Variants in CCNY observed in about 807,000 individuals in gnomAD.
CCNY encodes the protein cyclin-Y.
Under a neutral mutation model 42.8 loss-of-function variants are expected in CCNY, and 19 were observed. The ratio of observed to expected loss-of-function variants is 0.44; its 90% confidence interval spans 0.31 to 0.65. The LOEUF (loss-of-function observed/expected upper bound fraction) is 0.65, where lower values mean the gene tolerates loss of function less well. Ranked by LOEUF, CCNY falls within the 30% of genes least tolerant of loss-of-function variation. The probability of loss-of-function intolerance (pLI) is 0.07; values close to 1 mark genes in which losing one functional copy is unlikely to be tolerated. For synonymous variants in CCNY, 165 were observed against 162.7 expected, an observed-to-expected ratio of 1.01 and a Z score of -0.11; for missense variants, 370 against 437.3, an observed-to-expected ratio of 0.85 and a Z score of 1.37.
chr10:35,539,210 C>T (rs1442789611), intron 7 of CCNY, among the ~76,000 whole-genome samples: 2 of 152,156 alleles, frequency 1.3e-5, no homozygotes, highest in Non-Finnish European at 2.9e-5. Context: ...TTTTCTCTGT[C>T]AGTGTTGTTT....
At position 35,253,364 on chromosome 10, in the gene CCNY, C is replaced by T. The variant is rs532807819; in HGVS notation, c.-9+2738C>T. ...TCCTGGGCTCAAGCGAGCCTCCTAC[C>T]CTAGCCTCCTGTGTAGCTGTGACTA... is the stretch of plus-strand genomic sequence containing the variant. On this transcript the variant is annotated intron_variant, in intron 3 of 11. Coordinates refer to the CCNY transcript ENST00000374706. Among the ~76,000 whole-genome samples, 105 of 151,928 alleles carry T rather than the reference C, an allele frequency of 6.9e-4. 1 individual carries two copies. Among genetic ancestry groups the T allele is most frequent in the Admixed American group, 5.7e-3 (87 of 15,210 alleles).
At chr10:35,290,264 A>ACACACAC (rs61407161) in intron 3 of CCNY, among the ~76,000 whole-genome samples, 32 of 149,160 alleles carry the variant, frequency 2.1e-4, no homozygotes, top group South Asian at 6.4e-4. Context: ...ACACACACAC[A>ACACACAC]AAATTAGCTG....
At chr10:35,506,968 A>G (rs886103797) in intron 3 of CCNY, among the ~76,000 whole-genome samples, 10 of 152,170 alleles carry the variant, frequency 6.6e-5, no homozygotes, top group Admixed American at 6.5e-4. Flanking sequence ...TCTTGGTTCC[A>G]TTGCTGCCAT....
At chr10:35,274,519 C>T (rs1387476063) in intron 3 of CCNY, among the ~76,000 whole-genome samples, 1 of 152,196 alleles carries the variant, frequency 6.6e-6, no homozygotes, top group South Asian at 2.1e-4. Flanking sequence ...GAGCTCACTG[C>T]TCACCCTGCA....
At chr10:35,432,089 T>C (rs528704480) in intron 1 of CCNY, among the ~76,000 whole-genome samples, 1 of 152,318 alleles carries the variant, frequency 6.6e-6, no homozygotes, top group East Asian at 1.9e-4. Context: ...GTAACTTAAA[T>C]AGTTGATTCA....
intron 3 of CCNY, among the ~76,000 whole-genome samples, chr10:35,311,308 A>G (rs577907768): frequency 1.1e-4 from 17 of 152,032 alleles, no homozygotes; most frequent in Non-Finnish European, 2.5e-4. Flanking sequence ...ACAGAGCAAG[A>G]CCCTGTCTCA....
At chr10:35,275,225 G>A (rs1480057135) in intron 3 of CCNY, among the ~76,000 whole-genome samples, 1 of 151,360 alleles carries the variant, frequency 6.6e-6, no homozygotes, top group African/African-American at 2.4e-5. Context: ...CATCATGCTC[G>A]GCTAATTTTT....
At chr10:35,376,897 G>T (rs1343982109) in intron 1 of CCNY, among the ~76,000 whole-genome samples, 1 of 152,202 alleles carries the variant, frequency 6.6e-6, no homozygotes, top group Admixed American at 6.5e-5. Flanking sequence ...GATGGGGGGA[G>T]AAGAGGATGG....
chr10:35,338,473 C>G (rs1357996981), intron 1 of CCNY, among the ~76,000 whole-genome samples: 2 of 152,126 alleles, frequency 1.3e-5, no homozygotes, highest in South Asian at 4.1e-4. Flanking sequence ...TTTAAACATA[C>G]GCTTAGATGT....
intron 1 of CCNY, among the ~76,000 whole-genome samples, chr10:35,479,603 T>A: frequency 1.1e-5 from 1 of 88,070 alleles, no homozygotes; most frequent in Non-Finnish European, 2.2e-5. Flanking sequence ...CTGGGGACTG[T>A]TGTGGGGTGG....
chr10:35,549,098 A>ACCC (rs1262659685), intron 7 of CCNY, among the ~76,000 whole-genome samples: 5 of 42,946 alleles, frequency 1.2e-4, no homozygotes, highest in African/African-American at 3.7e-4. Context: ...CTCACCACCC[A>ACCC]CCCCACCCCC....
At chr10:35,515,625 T>A (rs1455887826) in intron 3 of CCNY, among the ~76,000 whole-genome samples, 2 of 152,206 alleles carry the variant, frequency 1.3e-5, no homozygotes, top group Non-Finnish European at 2.9e-5. Flanking sequence ...AAATGACACT[T>A]AGACATTCAA....
intron 1 of CCNY, among the ~76,000 whole-genome samples, chr10:35,409,924 G>A (rs1223252655): frequency 6.6e-6 from 1 of 152,046 alleles, no homozygotes; most frequent in East Asian, 1.9e-4. Context: ...TTTATTTTTT[G>A]TAGAGACAGG....
intron 1 of CCNY, among the ~76,000 whole-genome samples, chr10:35,386,101 A>C (rs1240942782): frequency 1.3e-5 from 2 of 152,178 alleles, no homozygotes; most frequent in South Asian, 2.1e-4. Context: ...TGCTAGATTT[A>C]GCCAAAAATT....
At chr10:35,409,478 G>A (rs1465739176) in intron 1 of CCNY, among the ~76,000 whole-genome samples, 2 of 152,218 alleles carry the variant, frequency 1.3e-5, no homozygotes, top group Admixed American at 1.3e-4. Context: ...TGAAGTGACT[G>A]TAGGCAGCTG....
At chr10:35,331,253 C>T (rs912488780) in intron 3 of CCNY, among the ~76,000 whole-genome samples, 3 of 152,218 alleles carry the variant, frequency 2.0e-5, no homozygotes, top group South Asian at 4.1e-4. Flanking sequence ...CCAACTTATG[C>T]CTGACCCTGC....
At chr10:35,290,981 T>C (rs1416304059) in intron 3 of CCNY, among the ~76,000 whole-genome samples, 2 of 152,150 alleles carry the variant, frequency 1.3e-5, no homozygotes, top group African/African-American at 4.8e-5. Context: ...ATTCCACACA[T>C]TTCCTTTAAA....
rs989718554 is a variant in CCNY at position 35,525,857 on chromosome 10, T to C, written c.366-107T>C. On this transcript the variant is annotated intron_variant, in intron 4 of 9. Transcript: ENST00000374704. ...AGATGGGACTGTTCAGAAAGATTGT[T>C]AGACTTTTACTTCTGTTTAAATATT... is the stretch of plus-strand genomic sequence containing the variant. 4 of 960,712 alleles carry C rather than the reference T, an allele frequency of 4.2e-6. No individual in the cohort carries two copies. In the African/African-American group the frequency reaches 6.6e-5, roughly 16 times the overall value. 59.5% of individuals were successfully genotyped at this position (960,712 alleles called of 1,614,324 possible).
At chr10:35,313,135 T>G (rs558474220) in intron 3 of CCNY, among the ~76,000 whole-genome samples, 34 of 152,226 alleles carry the variant, frequency 2.2e-4, no homozygotes, top group African/African-American at 7.9e-4. Flanking sequence ...CCCTTTCACA[T>G]GATCCTGAAA....
Sources: allele counts gnomAD v4.1 joint callset (sites outside exome capture counted in the v4.1 genomes callset), GRCh38; gene constraint gnomAD v4.1.1; transcripts MANE v1.5; gene names NCBI Gene and HGNC (gene_info 2026-07-23, HGNC 2026-07-21).